DNMT3B: variants seen among roughly 807,000 people sequenced by gnomAD.
The protein encoded by DNMT3B is DNA (cytosine-5)-methyltransferase 3B.
A neutral mutation model predicts 120.2 loss-of-function variants in DNMT3B; 37 were observed. The observed-to-expected ratio is 0.31, with a 90% CI of 0.24 to 0.40. The LOEUF (loss-of-function observed/expected upper bound fraction) is 0.40. DNMT3B is among the 10% of genes least tolerant of loss of function. DNMT3B has a pLI of 1.00. For synonymous variants in DNMT3B, 412 were observed against 442.8 expected (o/e 0.93, Z 0.87); for missense variants, 878 against 1,137.3 (o/e 0.77, Z 3.28).
intron 1 of DNMT3B, among the ~76,000 whole-genome samples, chr20:32,763,351 G>A (rs1321665175): frequency 6.6e-6 from 1 of 152,198 alleles, no homozygotes; most frequent in African/African-American, 2.4e-5. Context: ...GTGCTCCTGA[G>A]CTGAGCCATC....
chr20:32,801,335 A>G lies in DNMT3B; in HGVS notation c.2054A>G (p.Lys685Arg). 2.5e-6 allele frequency: 4 copies of G among 1,614,134 alleles called. No homozygotes were observed. In the South Asian group the frequency reaches 3.3e-5, roughly 13 times the overall value. ...CACCTGCTGAATTACTCACGCCCCA[A>G]GGAGGGTGATGACCGGCCGTTCTTC... Reference protein sequence around the residue: ...FYHLLNYSRPKEGDDRPFFWM... With the variant: ...FYHLLNYSRPREGDDRPFFWM... The change falls in exon 19 of 23, where the codon AAG becomes AGG. Residue 685 changes from lysine (K) to arginine (R), a missense_variant. By Grantham distance (26) the Lys-to-Arg change is conservative. Transcript: ENST00000328111.
Position 32,797,336 on chromosome 20 carries a change from C to G in DNMT3B, c.1490+37C>G, listed in dbSNP as rs200575897. On this transcript the variant is annotated intron_variant, in intron 14 of 22. Transcript: ENST00000328111. ...GCCCTGTGGGGTGGATGTGGGTGGGCCCCCAAGGCTCCTACGTTCCTGCAG... is the reference window on the plus strand; with the variant it reads ...GCCCTGTGGGGTGGATGTGGGTGGGGCCCCAAGGCTCCTACGTTCCTGCAG... 5 of 1,596,226 alleles carry G rather than the reference C, an allele frequency of 3.1e-6. No homozygotes were observed. The East Asian group carries it at 8.9e-5, about 29-fold the overall frequency.
At chr20:32,766,209 TTG>T in intron 1 of DNMT3B, among the ~76,000 whole-genome samples, 1 of 152,238 alleles carries the variant, frequency 6.6e-6, no homozygotes, top group East Asian at 1.9e-4. Context: ...CCAGGCGTGT[TTG>T]TGCATGCCTG....
rs1200165970 is a variant in DNMT3B at position 32,791,627 on chromosome 20, G to A, written c.840G>A (p.Leu280=). The A allele has an allele frequency of 6.2e-7, 1 of 1,613,994 alleles. No individual in the cohort carries two copies. Among genetic ancestry groups the A allele is most frequent in the African/African-American group, 1.3e-5 (1 of 74,918 alleles). Reference sequence around the variant, plus strand: ...TCTCTGCAGACAAACTGGTGGCACTGGGGCTGTTCAGCCAGCACTTTAATT... The same window carrying A: ...TCTCTGCAGACAAACTGGTGGCACTAGGGCTGTTCAGCCAGCACTTTAATT... The part of the protein sequence containing the change: ...SEVSADKLVA[L]GLFSQHFNLA... Residue 280 remains leucine (L), a synonymous_variant, in exon 8 of 23, where the codon CTG becomes CTA. Coordinates refer to ENST00000328111, the MANE Select transcript of DNMT3B (RefSeq NM_006892.4).
chr20:32,778,714 G>A (rs985938762), intron 1 of DNMT3B, among the ~76,000 whole-genome samples: 2 of 152,222 alleles, frequency 1.3e-5, no homozygotes, highest in Non-Finnish European at 2.9e-5. Flanking sequence ...AAGGTACCCT[G>A]GTTTGAGATG....
chr20:32,780,778 C>A (rs1383361210), intron 2 of DNMT3B, among the ~76,000 whole-genome samples: 1 of 152,016 alleles, frequency 6.6e-6, no homozygotes, highest in Admixed American at 6.5e-5. Context: ...GCAGTGGGAC[C>A]CTCTCCCCAC....
chr20:32,802,290 C>A, intron 19 of DNMT3B, 95 bp from the exon 20 acceptor site: 3 of 1,326,856 alleles, frequency 2.3e-6, no homozygotes, highest in Non-Finnish European at 3.3e-6. Context: ...GTGCCTCATC[C>A]ATAGTCAGGG....
intron 6 of DNMT3B, 38 bp downstream of exon 6, chr20:32,787,489 G>T (rs368065829): frequency 6.9e-6 from 11 of 1,597,350 alleles, no homozygotes; most frequent in Middle Eastern, 2.1e-4. Flanking sequence ...GGTGACTGAG[G>T]ACCCTGAACA....
Position 32,795,531 on chromosome 20 carries a change from C to G in DNMT3B, c.1249C>G (p.Arg417Gly). The G allele has an allele frequency of 1.2e-6, 2 of 1,614,126 alleles. No homozygotes were observed. Among genetic ancestry groups the G allele is most frequent in the Non-Finnish European group, 1.7e-6 (2 of 1,180,022 alleles). Reference protein sequence around the residue: ...GKDRGDEDQSREQMASDVANN... With the variant: ...GKDRGDEDQSGEQMASDVANN... The stretch of plus-strand genomic sequence containing the variant: ...AGACCGAGGGGATGAAGATCAGAGC[C>G]GAGGTGATTGTTGGGTACCTGGGAT... The change falls in exon 11 of 23, where the codon CGA (arginine) becomes GGA (glycine). Residue 417 changes from arginine (R) to glycine (G), a missense_variant. By Grantham distance (125) the Arg-to-Gly change is moderately radical. Transcript: ENST00000328111.
At chr20:32,769,243 T>A (rs773899903) in intron 1 of DNMT3B, among the ~76,000 whole-genome samples, 1 of 152,080 alleles carries the variant, frequency 6.6e-6, no homozygotes, top group Non-Finnish European at 1.5e-5. Context: ...GCCCGCCACC[T>A]TGCCCGGCTA....
intron 15 of DNMT3B, 121 bp from the exon 16 acceptor site, chr20:32,799,123 C>CT: frequency 9.1e-7 from 1 of 1,099,588 alleles, no homozygotes; most frequent in East Asian, 2.6e-5. Context: ...CTTCAGTGGG[C>CT]TTTTTGCAGT....
intron 1 of DNMT3B, among the ~76,000 whole-genome samples, chr20:32,763,507 C>A (rs925855867): frequency 6.6e-6 from 1 of 152,240 alleles, no homozygotes; most frequent in Non-Finnish European, 1.5e-5. Flanking sequence ...CCGTGTGCGG[C>A]TGGCCCCACT....
intron 1 of DNMT3B, among the ~76,000 whole-genome samples, chr20:32,763,726 C>T (rs113706425): frequency 1.4e-4 from 22 of 152,316 alleles, no homozygotes; most frequent in Middle Eastern, 3.4e-3. Flanking sequence ...GATGGAGTTC[C>T]GAGCCCAGGT....
chr20:32,764,650 C>G (rs893218929), intron 1 of DNMT3B, among the ~76,000 whole-genome samples: 3 of 152,196 alleles, frequency 2.0e-5, no homozygotes, highest in African/African-American at 7.2e-5. Flanking sequence ...CTCCCGGCCA[C>G]GCATGGGGGC....
Position 32,784,687 on chromosome 20 carries a change from C to T in DNMT3B, c.205-71C>T. ...CACAGGCGATCAGTCTTTCATATTG[C>T]AGGTGCCTTGTTTCTTTGACTTGCT... is the stretch of plus-strand genomic sequence containing the variant. On this transcript the variant is annotated intron_variant, in intron 3 of 22. Coordinates refer to ENST00000328111, the MANE Select transcript of DNMT3B (RefSeq NM_006892.4). The T allele has an allele frequency of 3.3e-6, 5 of 1,527,492 alleles. No homozygotes were observed. The East Asian group carries it at 1.1e-4, about 35-fold the overall frequency. The allele number at this position is 1,527,492 out of a possible 1,614,324, so 94.6% of individuals were successfully genotyped here. A position where few individuals can be genotyped will look rare whatever the true frequency, so the allele number is the denominator to read the frequency against.
chr20:32,786,130 C>A (rs141127718), intron 4 of DNMT3B, among the ~76,000 whole-genome samples: 1 of 152,176 alleles, frequency 6.6e-6, no homozygotes, highest in Non-Finnish European at 1.5e-5. Flanking sequence ...GTGATCTGCC[C>A]GCCTTGGCCT....
At chr20:32,787,483 A>G in intron 6 of DNMT3B, 32 bp downstream of exon 6, 2 of 1,602,214 alleles carry the variant, frequency 1.2e-6, no homozygotes, top group Non-Finnish European at 1.7e-6. Context: ...GCCCAGGGTG[A>G]CTGAGGACCC....
chr20:32,776,731 C>T (rs1377205218), intron 1 of DNMT3B, among the ~76,000 whole-genome samples: 1 of 151,998 alleles, frequency 6.6e-6, no homozygotes, highest in Non-Finnish European at 1.5e-5. Flanking sequence ...AAAAAGATGA[C>T]CTTATTGGGG....
chr20:32,798,480 TGGA>T lies in DNMT3B; in HGVS notation c.1514_1516del (p.Glu505del). 6.2e-7 allele frequency: 1 copy of T among 1,614,196 alleles called. No individual in the cohort carries two copies. Among genetic ancestry groups the T allele is most frequent in the Non-Finnish European group, 8.5e-7 (1 of 1,180,030 alleles). On this transcript the variant is annotated inframe_deletion, in exon 15 of 23. Transcript: ENST00000328111. ...TCCAGGTGTTTCTGTGTGGAGTGCC[TGGA>T]GGTGCTGGTGGGCACAGGCACAGCG...
Sources: allele counts gnomAD v4.1 joint callset (sites outside exome capture counted in the v4.1 genomes callset), GRCh38; gene constraint gnomAD v4.1.1; transcripts MANE v1.5; gene names NCBI Gene and HGNC (gene_info 2026-07-23, HGNC 2026-07-21).